Variants in ADAMTS20 observed in about 807,000 individuals in gnomAD.
The protein encoded by ADAMTS20 is A disintegrin and metalloproteinase with thrombospondin motifs 20.
ADAMTS20 carries 225 observed loss-of-function variants against 260.1 expected under a neutral mutation model. That is an observed-to-expected ratio of 0.87 (90% CI 0.78 to 0.97). ADAMTS20 has a LOEUF of 0.97. Ranked by LOEUF, ADAMTS20 falls within the 50% of genes least tolerant of loss-of-function variation. ADAMTS20 has a pLI of 0.00. For missense variants in ADAMTS20, 2,400 were observed against 2,337.7 expected, an observed-to-expected ratio of 1.03 and a Z score of -0.55; for synonymous variants, 802 against 769.5, an observed-to-expected ratio of 1.04 and a Z score of -0.70.
intron 28 of ADAMTS20, among the ~76,000 whole-genome samples, chr12:43,413,512 C>A (rs1160164593): frequency 6.6e-6 from 1 of 152,048 alleles, no homozygotes; most frequent in Non-Finnish European, 1.5e-5. Context: ...TGTTGTTACT[C>A]ATATTTCAGA....
At chr12:43,520,884 C>A (rs117775781) in intron 3 of ADAMTS20, among the ~76,000 whole-genome samples, 3,031 of 152,260 alleles carry the variant, frequency 0.02, 40 homozygotes, top group Non-Finnish European at 0.032. Context: ...AAATGAAATT[C>A]AGCTCTCATG....
chr12:43,435,671 A>G (rs1461031731), intron 18 of ADAMTS20, among the ~76,000 whole-genome samples: 1 of 133,054 alleles, frequency 7.5e-6, no homozygotes, highest in Non-Finnish European at 1.6e-5. Flanking sequence ...AAAAATAAAA[A>G]TAAAAATAAA....
chr12:43,372,731 C>G (rs1720251253), intron 36 of ADAMTS20, among the ~76,000 whole-genome samples: 1 of 152,114 alleles, frequency 6.6e-6, no homozygotes, highest in African/African-American at 2.4e-5. Context: ...GCCTAGAGGA[C>G]AAGGAGCAGG....
At chr12:43,399,425 T>C (rs1471685340) in intron 28 of ADAMTS20, among the ~76,000 whole-genome samples, 192 bp from the exon 29 acceptor site, 2 of 152,184 alleles carry the variant, frequency 1.3e-5, no homozygotes, top group Non-Finnish European at 2.9e-5. Context: ...AATGTGAATA[T>C]CATAAGGTAA....
At chr12:43,417,507 A>G (rs1157622673) in intron 28 of ADAMTS20, among the ~76,000 whole-genome samples, 2 of 152,234 alleles carry the variant, frequency 1.3e-5, no homozygotes, top group Non-Finnish European at 2.9e-5. Context: ...GAGCTTAAGT[A>G]CAATCTAGGG....
At chr12:43,508,599 A>C (rs1942877534) in intron 3 of ADAMTS20, among the ~76,000 whole-genome samples, 1 of 144,046 alleles carries the variant, frequency 6.9e-6, no homozygotes, top group Non-Finnish European at 1.5e-5. Flanking sequence ...TTTCTTAATT[A>C]AAATTTTTTT....
chr12:43,444,174 C>A (rs1263712426), intron 15 of ADAMTS20, among the ~76,000 whole-genome samples: 1 of 152,012 alleles, frequency 6.6e-6, no homozygotes, highest in Non-Finnish European at 1.5e-5. Flanking sequence ...TATTTTAGCT[C>A]CTGAGACCCT....
chr12:43,363,734 G>A (rs938312332), intron 37 of ADAMTS20, among the ~76,000 whole-genome samples: 1 of 152,172 alleles, frequency 6.6e-6, no homozygotes, highest in Non-Finnish European at 1.5e-5. Flanking sequence ...TTAAGAGGAG[G>A]GTAGTAGCTC....
Position 43,551,742 on chromosome 12 carries a change from G to T in ADAMTS20, c.91+89C>A. The T allele has an allele frequency of 7.3e-7, 1 of 1,362,684 alleles. No individual in the cohort carries two copies. Among genetic ancestry groups the T allele is most frequent in the Non-Finnish European group, 1.0e-6 (1 of 967,470 alleles). 84.4% of individuals were successfully genotyped at this position (1,362,684 alleles called of 1,614,324 possible). A position where few individuals can be genotyped will look rare whatever the true frequency, so the allele number is the denominator to read the frequency against. ...CCAGCAGGGCCAGCGTTCCCCAACG[G>T]GCTGAGCCGCTCGTCCCCGCGACCT... On this transcript the variant is annotated intron_variant, in intron 1 of 38. Transcript: ENST00000389420. The surrounding 1 kb of genome is among the most constrained non-coding windows in gnomAD (Gnocchi z 4.6).
chr12:43,427,066 G>A (rs529992045), intron 27 of ADAMTS20, among the ~76,000 whole-genome samples: 3 of 152,164 alleles, frequency 2.0e-5, no homozygotes, highest in East Asian at 1.9e-4. Context: ...TCAGCTACTC[G>A]GGAGGCTGAG....
chr12:43,449,836 C>T (rs567988639), intron 14 of ADAMTS20, among the ~76,000 whole-genome samples: 30 of 152,218 alleles, frequency 2.0e-4, no homozygotes, highest in African/African-American at 7.0e-4. Flanking sequence ...CCACAGACCT[C>T]CTGCATCAAC....
At chr12:43,465,241 G>A (rs979152463) in intron 9 of ADAMTS20, among the ~76,000 whole-genome samples, 7 of 152,074 alleles carry the variant, frequency 4.6e-5, no homozygotes, top group African/African-American at 1.7e-4. Context: ...CAAGGTGGGA[G>A]TATAGCAGAG....
At chr12:43,513,827 C>T (rs949474666) in intron 3 of ADAMTS20, among the ~76,000 whole-genome samples, 6 of 150,876 alleles carry the variant, frequency 4.0e-5, no homozygotes, top group Middle Eastern at 3.4e-3. Context: ...AAACAAACAC[C>T]GCATGTTCTC....
chr12:43,466,466 T>C (rs923383247), intron 9 of ADAMTS20, among the ~76,000 whole-genome samples, 186 bp downstream of exon 9: 3 of 151,192 alleles, frequency 2.0e-5, no homozygotes, highest in Non-Finnish European at 3.0e-5. Flanking sequence ...ATTATATACA[T>C]GTATATATAT....
intron 2 of ADAMTS20, among the ~76,000 whole-genome samples, chr12:43,548,121 A>G (rs960581756): frequency 6.6e-6 from 1 of 152,222 alleles, no homozygotes; most frequent in Non-Finnish European, 1.5e-5. Context: ...GCTCATTTCA[A>G]TATACTCAGG....
chr12:43,535,943 G>T (rs1040506137), intron 2 of ADAMTS20, among the ~76,000 whole-genome samples: 1 of 152,034 alleles, frequency 6.6e-6, no homozygotes, highest in Non-Finnish European at 1.5e-5. Flanking sequence ...CACTCTGTTG[G>T]AAAGAAGCCC....
chr12:43,453,875 T>C (rs1159597367), intron 12 of ADAMTS20, 32 bp downstream of exon 12: 2 of 1,561,722 alleles, frequency 1.3e-6, no homozygotes, highest in Admixed American at 1.9e-5. Flanking sequence ...CTTGAGATAA[T>C]CTTAATTTAT....
At chr12:43,536,371 A>G (rs973885273) in intron 2 of ADAMTS20, among the ~76,000 whole-genome samples, 1 of 152,204 alleles carries the variant, frequency 6.6e-6, no homozygotes, top group Admixed American at 6.6e-5. Context: ...GGCACCTACT[A>G]TGTGCCAAGA....
At chr12:43,449,873 C>G (rs564307571) in intron 14 of ADAMTS20, among the ~76,000 whole-genome samples, 83 of 152,208 alleles carry the variant, frequency 5.5e-4, no homozygotes, top group Non-Finnish European at 9.0e-4. Flanking sequence ...TTTAAAAAGA[C>G]AGTATCCCAG....
Sources: gnomAD v4.1 joint callset for allele counts (sites outside exome capture counted in the v4.1 genomes callset) on GRCh38, gnomAD v4.1.1 for gene constraint, Gnocchi (gnomAD v3.1) non-coding constraint, MANE v1.5 for transcripts, NCBI Gene and HGNC (gene_info 2026-07-23, HGNC 2026-07-21) for gene names.